The following PLEKHM3 variants were observed in gnomAD, a reference collection of about 807,000 sequenced individuals.
PLEKHM3 encodes pleckstrin homology domain-containing family M member 3.
A neutral mutation model predicts 81.8 loss-of-function variants in PLEKHM3; 45 were observed. The observed-to-expected ratio is 0.55, with a 90% CI of 0.43 to 0.71. The LOEUF (loss-of-function observed/expected upper bound fraction) is 0.71, where lower values mean the gene tolerates loss of function less well. PLEKHM3 is among the 30% of genes least tolerant of loss of function. PLEKHM3 has a pLI of 0.00. For synonymous variants in PLEKHM3, 352 were observed against 356.4 expected, an observed-to-expected ratio of 0.99 and a Z score of 0.14; for missense variants, 788 against 924.3, an observed-to-expected ratio of 0.85 and a Z score of 1.91.
intron 3 of PLEKHM3, among the ~76,000 whole-genome samples, chr2:207,970,613 G>C (rs1347049074): frequency 1.3e-5 from 2 of 152,144 alleles, no homozygotes; most frequent in Non-Finnish European, 2.9e-5. Context: ...TTCCATCTTT[G>C]TGTTTCTTGC....
intron 6 of PLEKHM3, among the ~76,000 whole-genome samples, chr2:207,903,848 C>A (rs1159313658): frequency 2.0e-5 from 3 of 152,222 alleles, no homozygotes; most frequent in Non-Finnish European, 4.4e-5. Context: ...AAAGTTAAGG[C>A]ATTGAGAGTT....
chr2:207,861,323 CAGGAA>C (rs2092465921), intron 6 of PLEKHM3, 61 bp from the exon 7 acceptor site: 32 of 1,503,654 alleles, frequency 2.1e-5, no homozygotes, highest in Non-Finnish European at 8.1e-6. Flanking sequence ...CTTGTACACA[CAGGAA>C]AGGAAAGGAA....
intron 6 of PLEKHM3, among the ~76,000 whole-genome samples, chr2:207,880,688 G>A (rs1466112756): frequency 5.2e-5 from 7 of 135,684 alleles, no homozygotes; most frequent in African/African-American, 1.6e-4. Context: ...GCGTGAACCC[G>A]GGAGGCGGAG....
intron 4 of PLEKHM3, among the ~76,000 whole-genome samples, chr2:207,942,234 A>G (rs1392609521): frequency 1.3e-5 from 2 of 152,222 alleles, no homozygotes; most frequent in East Asian, 3.8e-4. Flanking sequence ...AAAGAATGAA[A>G]TTCTTGTCCA....
intron 3 of PLEKHM3, among the ~76,000 whole-genome samples, chr2:207,948,394 T>C (rs1411393810): frequency 6.8e-6 from 1 of 146,310 alleles, no homozygotes; most frequent in Non-Finnish European, 1.5e-5. Context: ...CTCACTCTGT[T>C]GTCCAAGCTG....
chr2:208,001,543 G>C lies in PLEKHM3; in HGVS notation c.97C>G (p.Gln33Glu). 1.2e-6 allele frequency: 2 copies of C among 1,614,184 alleles called. No homozygotes were observed. The highest frequency in any genetic ancestry group is 1.7e-6 in the Non-Finnish European group (2 of 1,180,032). The stretch of plus-strand genomic sequence containing the variant: ...TCCTGGATCCCATAAACCTCTGCCT[G>C]CTGCACAGCCTTTTCTAGATTACTA... ...LDSNLEKAVQ[Q>E]AEVYGIQEVP... The change falls in exon 2 of 8, where the codon CAG becomes GAG. Residue 33 changes from glutamine to glutamate, a missense_variant. Transcript: ENST00000427836.
chr2:207,960,799 C>T (rs1690702998), intron 3 of PLEKHM3, among the ~76,000 whole-genome samples: 1 of 152,198 alleles, frequency 6.6e-6, no homozygotes, highest in Non-Finnish European at 1.5e-5. Flanking sequence ...ACTCCCTAGC[C>T]TAACAATGGA....
chr2:207,937,284 G>A (rs1689787809), intron 4 of PLEKHM3, among the ~76,000 whole-genome samples: 1 of 152,086 alleles, frequency 6.6e-6, no homozygotes, highest in South Asian at 2.1e-4. Context: ...TATAATTCTG[G>A]TCCAGGCACA....
At chr2:207,908,158 A>G (rs1323532107) in intron 6 of PLEKHM3, among the ~76,000 whole-genome samples, 2 of 152,158 alleles carry the variant, frequency 1.3e-5, no homozygotes, top group African/African-American at 4.8e-5. Flanking sequence ...ACATTTGTGT[A>G]CAGGTTTTTC....
chr2:207,992,582 G>A (rs1691933664), intron 2 of PLEKHM3, among the ~76,000 whole-genome samples: 1 of 152,104 alleles, frequency 6.6e-6, no homozygotes, highest in African/African-American at 2.4e-5. Flanking sequence ...CCTTCCATGT[G>A]TTCATGCTTG....
At chr2:207,867,410 C>T (rs905705955) in intron 6 of PLEKHM3, among the ~76,000 whole-genome samples, 6 of 152,160 alleles carry the variant, frequency 3.9e-5, no homozygotes, top group Non-Finnish European at 8.8e-5. Context: ...AATTTACAAA[C>T]ATTCCTTTAA....
intron 6 of PLEKHM3, among the ~76,000 whole-genome samples, chr2:207,863,869 T>C (rs567192577): frequency 2.0e-5 from 3 of 150,118 alleles, no homozygotes; most frequent in African/African-American, 5.0e-5. Context: ...ATAAATATAA[T>C]GGTGGTTAAC....
intron 6 of PLEKHM3, among the ~76,000 whole-genome samples, chr2:207,882,982 A>G (rs1212396752): frequency 6.6e-6 from 1 of 152,050 alleles, no homozygotes; most frequent in East Asian, 1.9e-4. Flanking sequence ...TCCTGACCTG[A>G]AGTGATCCAC....
At chr2:207,837,121 G>A (rs1026908878) in intron 7 of PLEKHM3, among the ~76,000 whole-genome samples, 9 of 152,140 alleles carry the variant, frequency 5.9e-5, no homozygotes, top group African/African-American at 1.9e-4. Context: ...AAATGTTTTG[G>A]GTTGGTGTTT....
chr2:207,869,263 T>C (rs1377046713), intron 6 of PLEKHM3, among the ~76,000 whole-genome samples: 1 of 152,112 alleles, frequency 6.6e-6, no homozygotes, highest in Non-Finnish European at 1.5e-5. Flanking sequence ...TGAGATGAGG[T>C]TTAGTTATCT....
chr2:207,968,137 C>A (rs1690981923), intron 3 of PLEKHM3, among the ~76,000 whole-genome samples: 1 of 151,834 alleles, frequency 6.6e-6, no homozygotes, highest in South Asian at 2.1e-4. Context: ...TTCCTGAACA[C>A]TAAGTGCTAT....
intron 2 of PLEKHM3, among the ~76,000 whole-genome samples, chr2:207,997,660 G>T (rs961513537): frequency 6.6e-6 from 1 of 152,180 alleles, no homozygotes; most frequent in Admixed American, 6.6e-5. Context: ...AGAACAGCAG[G>T]AATGGGAGAA....
intron 4 of PLEKHM3, among the ~76,000 whole-genome samples, 164 bp from the exon 5 acceptor site, chr2:207,931,283 C>G (rs1261424621): frequency 3.9e-5 from 6 of 152,246 alleles, no homozygotes; most frequent in Non-Finnish European, 8.8e-5. Context: ...TGACTTCTCT[C>G]TCTTCCAGAC....
intron 6 of PLEKHM3, among the ~76,000 whole-genome samples, chr2:207,879,585 G>A (rs2092576360): frequency 6.6e-6 from 1 of 152,200 alleles, no homozygotes; most frequent in Non-Finnish European, 1.5e-5. Flanking sequence ...GACCAGACCG[G>A]GTTATGGCCT....
Sources: gnomAD v4.1 joint callset for allele counts (sites outside exome capture counted in the v4.1 genomes callset) on GRCh38, gnomAD v4.1.1 for gene constraint, MANE v1.5 for transcripts, NCBI Gene and HGNC (gene_info 2026-07-23, HGNC 2026-07-21) for gene names.